Variants in WWOX observed in about 807,000 individuals in gnomAD.
WWOX encodes WW domain containing oxidoreductase, also known as WW domain-containing oxidoreductase.
A neutral mutation model predicts 46.2 loss-of-function variants in WWOX; 69 were observed. The observed-to-expected ratio is 1.49, with a 90% CI of 1.23 to 1.82. WWOX has a LOEUF of 1.82. Among genes scored for constraint, WWOX ranks in the 40% most tolerant of loss-of-function variants. WWOX has a pLI of 0.00. For synonymous variants in WWOX, 359 were observed against 202.6 expected (o/e 1.77, Z -6.56); for missense variants, 919 against 542.6 (o/e 1.69, Z -6.89).
chr16:78,483,825 A>T (rs2667571), intron 8 of WWOX, among the ~76,000 whole-genome samples: 26,599 of 151,854 alleles, frequency 0.18, 2,464 homozygotes, highest in African/African-American at 0.23. Flanking sequence ...GCCTTAATTT[A>T]AAAAAAATGA....
intron 8 of WWOX, among the ~76,000 whole-genome samples, chr16:78,483,579 A>C (rs1366681793): frequency 3.3e-5 from 5 of 152,090 alleles, no homozygotes; most frequent in African/African-American, 1.2e-4. Context: ...GCAGACTCGG[A>C]AAATCAATAG....
At chr16:78,785,415 A>T (rs369549769) in intron 8 of WWOX, among the ~76,000 whole-genome samples, 1 of 152,208 alleles carries the variant, frequency 6.6e-6, no homozygotes, top group African/African-American at 2.4e-5. Flanking sequence ...TGCAACACAC[A>T]TCGGCAGCCA....
chr16:78,849,467 G>C (rs1288894080), intron 8 of WWOX, among the ~76,000 whole-genome samples: 1 of 151,648 alleles, frequency 6.6e-6, no homozygotes, highest in South Asian at 2.1e-4. Flanking sequence ...CCAGCTACTG[G>C]GGAGGCTGAG....
intron 8 of WWOX, among the ~76,000 whole-genome samples, chr16:78,556,941 A>G (rs918283634): frequency 1.3e-5 from 2 of 151,504 alleles, no homozygotes; most frequent in Non-Finnish European, 2.9e-5. Context: ...CTGGTCTTGA[A>G]CTCTTGACCT....
intron 8 of WWOX, among the ~76,000 whole-genome samples, chr16:78,816,251 G>A (rs1166535030): frequency 6.6e-6 from 1 of 152,256 alleles, no homozygotes; most frequent in East Asian, 1.9e-4. Flanking sequence ...GAGAAAGAGG[G>A]CACCCTTTTC....
intron 5 of WWOX, among the ~76,000 whole-genome samples, chr16:78,386,058 T>C (rs2082054145): frequency 6.6e-6 from 1 of 152,188 alleles, no homozygotes; most frequent in African/African-American, 2.4e-5. Context: ...TCCTGGTTTC[T>C]TGCTAGGCGG....
chr16:78,757,428 C>A (rs528857479), intron 8 of WWOX, among the ~76,000 whole-genome samples: 1 of 152,114 alleles, frequency 6.6e-6, no homozygotes. Context: ...TTCTGTACCT[C>A]TTGCCTCATC....
chr16:78,355,084 A>T (rs959388274), intron 5 of WWOX, among the ~76,000 whole-genome samples: 4 of 151,644 alleles, frequency 2.6e-5, no homozygotes, highest in African/African-American at 9.7e-5. Flanking sequence ...GTGAGCTGAG[A>T]TGGAGCCACT....
chr16:78,486,618 A>G (rs1161973321), intron 8 of WWOX, among the ~76,000 whole-genome samples: 1 of 148,116 alleles, frequency 6.8e-6, no homozygotes, highest in Non-Finnish European at 1.5e-5. Flanking sequence ...TCTGTCGCCC[A>G]GGCTGGAGTG....
At chr16:78,736,181 C>G (rs1049995959) in intron 8 of WWOX, among the ~76,000 whole-genome samples, 2 of 152,186 alleles carry the variant, frequency 1.3e-5, no homozygotes, top group Non-Finnish European at 2.9e-5. Context: ...AGTCTGGCTT[C>G]AGGTTTATCC....
chr16:79,118,283 C>G (rs555740325), intron 8 of WWOX, among the ~76,000 whole-genome samples: 1 of 152,114 alleles, frequency 6.6e-6, no homozygotes, highest in African/African-American at 2.4e-5. Context: ...GTTGCTGGAG[C>G]CAGTGTGGTA....
chr16:78,536,968 T>G (rs1236499773), intron 8 of WWOX, among the ~76,000 whole-genome samples: 2 of 150,690 alleles, frequency 1.3e-5, no homozygotes, highest in African/African-American at 4.9e-5. Context: ...CCAGACTGGA[T>G]TGCAGTGGCA....
chr16:78,561,191 T>G (rs2044426396), intron 8 of WWOX, among the ~76,000 whole-genome samples: 1 of 152,168 alleles, frequency 6.6e-6, no homozygotes, highest in Admixed American at 6.5e-5. Flanking sequence ...TCCTTGACTT[T>G]TGGCCCCCTG....
chr16:78,884,313 CTA>C (rs1261554901), intron 8 of WWOX, among the ~76,000 whole-genome samples: 4 of 146,174 alleles, frequency 2.7e-5, no homozygotes, highest in African/African-American at 1.0e-4. Context: ...ATTTTTAAGA[CTA>C]TGACTGGTCA....
chr16:78,521,279 A>G (rs1235879674), intron 8 of WWOX, among the ~76,000 whole-genome samples: 1 of 151,910 alleles, frequency 6.6e-6, no homozygotes, highest in African/African-American at 2.4e-5. Context: ...CTGGTCTCTA[A>G]CTCCTGGCCT....
intron 8 of WWOX, among the ~76,000 whole-genome samples, chr16:78,776,985 A>G (rs1176508759): frequency 1.3e-5 from 2 of 152,194 alleles, no homozygotes; most frequent in African/African-American, 2.4e-5. Context: ...CAGCCAAACC[A>G]TACCACTCAT....
At chr16:78,657,317 G>A (rs1051832682) in intron 8 of WWOX, among the ~76,000 whole-genome samples, 1 of 152,128 alleles carries the variant, frequency 6.6e-6, no homozygotes, top group East Asian at 1.9e-4. Context: ...CCACAGATGG[G>A]AAGAAAATGA....
At chr16:78,867,354 A>C (rs375222030) in intron 8 of WWOX, among the ~76,000 whole-genome samples, 5 of 152,178 alleles carry the variant, frequency 3.3e-5, no homozygotes, top group Non-Finnish European at 5.9e-5. Context: ...TTTTTGTTCC[A>C]GAAATAAATG....
intron 8 of WWOX, among the ~76,000 whole-genome samples, chr16:79,124,223 C>T (rs1018630445): frequency 4.6e-5 from 7 of 152,164 alleles, no homozygotes; most frequent in African/African-American, 9.6e-5. Context: ...GTAATTAGAG[C>T]GTGCCCCCTG....
Sources: gnomAD v4.1 joint callset for allele counts (sites outside exome capture counted in the v4.1 genomes callset) on GRCh38, gnomAD v4.1.1 for gene constraint, MANE v1.5 for transcripts, NCBI Gene and HGNC (gene_info 2026-07-23, HGNC 2026-07-21) for gene names.